The following CLCN1 variants were observed in gnomAD, a reference collection of about 807,000 sequenced individuals.
The protein encoded by CLCN1 is chloride channel protein 1.
Under a neutral mutation model 114.5 loss-of-function variants are expected in CLCN1, and 100 were observed. That is an observed-to-expected ratio of 0.87 (90% CI 0.74 to 1.03). The LOEUF is 1.03. CLCN1 is among the 50% of genes least tolerant of loss of function. The pLI, the probability that CLCN1 is intolerant of heterozygous loss-of-function variation, is 0.00. For missense variants in CLCN1, 1,188 were observed against 1,250.0 expected (o/e 0.95, Z 0.75); for synonymous variants, 485 against 487.1 (o/e 1.00, Z 0.06).
In CLCN1 at chr7:143,339,387, G is replaced by A. The variant is rs77814083; in HGVS notation, c.1471+65G>A. 6.8e-4 allele frequency: 954 copies of A among 1,412,974 alleles called. 7 individuals are homozygous for A. In the African/African-American group the frequency reaches 0.012, roughly 18 times the overall value. The allele number at this position is 1,412,974 out of a possible 1,614,324, so 87.5% of individuals were successfully genotyped here. A position where few individuals can be genotyped will look rare whatever the true frequency, so the allele number is the denominator to read the frequency against. ...GCAATCTAGGATACAGGAAACATAA[G>A]GAAAGGCCCGGGATGCTGGGAGTTT... is the stretch of plus-strand genomic sequence containing the variant. On this transcript the variant is annotated intron_variant, in intron 13 of 22. Transcript: ENST00000343257. The surrounding 1 kb of genome is among the most constrained non-coding windows in gnomAD (Gnocchi z 4.1).
intron 5 of CLCN1, among the ~76,000 whole-genome samples, chr7:143,322,273 G>T (rs79790719): frequency 0.045 from 6,823 of 152,246 alleles, 207 homozygotes; most frequent in Middle Eastern, 0.095. Context: ...CACTGTCTTA[G>T]AGATCATCCA....
chr7:143,323,153 C>A (rs1802485029), intron 5 of CLCN1, among the ~76,000 whole-genome samples, 156 bp from the exon 6 acceptor site: 1 of 152,160 alleles, frequency 6.6e-6, no homozygotes, highest in South Asian at 2.1e-4. Context: ...TTCTTCCTCT[C>A]TGGGATGAGG....
intron 16 of CLCN1, 150 bp downstream of exon 16, chr7:143,342,655 C>A: frequency 2.5e-6 from 2 of 787,406 alleles, no homozygotes; most frequent in Non-Finnish European, 4.3e-6. Flanking sequence ...ATAACACAAG[C>A]ACACAAAGAC....
Position 143,324,608 on chromosome 7 carries a change from T to C in CLCN1, c.853+116T>C. The C allele has an allele frequency of 1.3e-6, 1 of 795,348 alleles. No homozygotes were observed. Among genetic ancestry groups the C allele is most frequent in the Non-Finnish European group, 2.2e-6 (1 of 451,488 alleles). The allele number at this position is 795,348 out of a possible 1,614,324, so 49.3% of individuals were successfully genotyped here. ...CAGGTTACTTACGAGAATAGCTGAC[T>C]TTTAGTAAGCCTTTGCTATGTGCCA... is the stretch of plus-strand genomic sequence containing the variant. On this transcript the variant is annotated intron_variant, in intron 7 of 22. Coordinates refer to ENST00000343257, the MANE Select transcript of CLCN1 (RefSeq NM_000083.3). This position sits in a 1 kb window ranked among gnomAD's most constrained non-coding sequence, Gnocchi z 4.6.
intron 14 of CLCN1, among the ~76,000 whole-genome samples, chr7:143,340,795 A>C (rs2116369327): frequency 6.6e-6 from 1 of 152,268 alleles, no homozygotes; most frequent in Non-Finnish European, 1.5e-5. Flanking sequence ...GGCCTCCCAG[A>C]GTGCTAGGAT....
intron 10 of CLCN1, 67 bp downstream of exon 10, chr7:143,331,719 T>C (rs1272431624): frequency 1.2e-5 from 14 of 1,164,226 alleles, no homozygotes; most frequent in Middle Eastern, 1.9e-4. Context: ...TCCTCCCTTT[T>C]TGTCTTTGGG....
chr7:143,325,767 G>A (rs1802557393), intron 7 of CLCN1, among the ~76,000 whole-genome samples: 1 of 152,160 alleles, frequency 6.6e-6, no homozygotes. Context: ...GAATTTCTGA[G>A]AAGAATCAGA....
intron 2 of CLCN1, 146 bp downstream of exon 2, chr7:143,320,021 CT>C: frequency 1.2e-6 from 1 of 843,888 alleles, no homozygotes; most frequent in Non-Finnish European, 1.9e-6. Context: ...CAGGGTCTCA[CT>C]CTGTCATTCA....
In CLCN1 at chr7:143,351,972, C is replaced by G. The variant is rs1348862181; in HGVS notation, c.*7C>G. ...GGATGAACTGATCCTTTGACCCCCT[C>G]CCACGACCTCCTCATAAAGACCGTG... On this transcript the variant is annotated 3_prime_UTR_variant, in exon 23 of 23. Transcript: ENST00000343257. 1 of 1,612,372 alleles carries G rather than the reference C, an allele frequency of 6.2e-7. No homozygotes were observed. Among genetic ancestry groups the G allele is most frequent in the East Asian group, 2.2e-5 (1 of 44,886 alleles).
Position 143,351,615 on chromosome 7 carries a change from C to T in CLCN1, c.2617C>T (p.His873Tyr), listed in dbSNP as rs2116401119. Reference sequence around the variant, plus strand: ...TCAGCTACAGAAGGCCATTGAGGGGCACACCAAGTCTGGGGTGCAGCTCCG... The same window carrying T: ...TCAGCTACAGAAGGCCATTGAGGGGTACACCAAGTCTGGGGTGCAGCTCCG... Reference protein sequence around the residue: ...LEELQKAIEGHTKSGVQLRPP... With the variant: ...LEELQKAIEGYTKSGVQLRPP... Residue 873 changes from histidine (H) to tyrosine (Y), a missense_variant, in exon 23 of 23, where the codon CAC becomes TAC. Physicochemically the swap from His to Tyr is moderately conservative, Grantham distance 83. Coordinates refer to ENST00000343257, the MANE Select transcript of CLCN1 (RefSeq NM_000083.3). 1 of 1,614,148 alleles carries T rather than the reference C, an allele frequency of 6.2e-7. No individual in the cohort carries two copies. The highest frequency in any genetic ancestry group is 8.5e-7 in the Non-Finnish European group (1 of 1,180,036).
chr7:143,316,353 G>A lies in CLCN1; in HGVS notation c.141G>A (p.Arg47=). The change falls in exon 1 of 23, where the codon CGG becomes CGA. Residue 47 remains arginine (R), a synonymous_variant. Transcript: ENST00000343257. ...ATGGGGGCCTCCAGCACAGGCTCCG[G>A]AAGGATGCAGGCCCCCGCCACAACG... ...SENGGLQHRL[R]KDAGPRHNVH... 6.2e-7 allele frequency: 1 copy of A among 1,610,326 alleles called. No homozygotes were observed. The highest frequency in any genetic ancestry group is 1.1e-5 in the South Asian group (1 of 90,930).
intron 16 of CLCN1, among the ~76,000 whole-genome samples, chr7:143,343,588 A>G (rs1170269163): frequency 6.6e-6 from 1 of 152,254 alleles, no homozygotes; most frequent in Non-Finnish European, 1.5e-5. Context: ...ATGAATAATG[A>G]CAATTAATGT....
Position 143,321,836 on chromosome 7 carries a change from C to G in CLCN1, c.684C>G (p.Pro228=), listed in dbSNP as rs774268769. 7.4e-6 allele frequency: 12 copies of G among 1,614,146 alleles called. No homozygotes were observed. The highest frequency in any genetic ancestry group is 1.0e-5 in the Non-Finnish European group (12 of 1,179,996). Residue 228 remains proline, a synonymous_variant, in exon 5 of 23, where the codon CCC becomes CCG. Transcript: ENST00000343257. The surrounding 1 kb of genome is among the most constrained non-coding windows in gnomAD (Gnocchi z 4.2). The part of the protein sequence containing the change: ...ALTAGLGSGI[P]VGKEGPFVHI... ...CTGCGGGCCTGGGCAGTGGCATCCC[C>G]GTGGGGAAAGAGGTAGGCCTGGCAT...
intron 14 of CLCN1, among the ~76,000 whole-genome samples, chr7:143,341,001 A>T (rs1803061255): frequency 6.6e-6 from 1 of 152,100 alleles, no homozygotes; most frequent in African/African-American, 2.4e-5. Context: ...GAGCTTATAG[A>T]ATTATAAAGT....
Position 143,324,491 on chromosome 7 carries a change from A to C in CLCN1, c.852A>C (p.Gly284=), listed in dbSNP as rs1417532624. 6.2e-7 allele frequency: 1 copy of C among 1,611,784 alleles called. No individual in the cohort carries two copies. Among genetic ancestry groups the C allele is most frequent in the Non-Finnish European group, 8.5e-7 (1 of 1,178,188 alleles). Residue 284 remains glycine (G), a splice_region_variant and synonymous_variant, in exon 7 of 23, where the codon GGA becomes GGC. Transcript: ENST00000343257. The surrounding 1 kb of genome is among the most constrained non-coding windows in gnomAD (Gnocchi z 4.6). ...GVGCCFGTPL[G]GVLFSIEVTS... ...GCTGTTGTTTTGGGACACCACTTGG[A>C]GGCAAGTGATTGACCCCCTCCCCCA... is the stretch of plus-strand genomic sequence containing the variant.
intron 12 of CLCN1, among the ~76,000 whole-genome samples, chr7:143,335,390 C>T (rs1397715930): frequency 6.6e-6 from 1 of 152,142 alleles, no homozygotes; most frequent in African/African-American, 2.4e-5. Context: ...TGCAGCAGGC[C>T]TATAATATCC....
rs771002652 is a variant in CLCN1 at position 143,342,506 on chromosome 7, G to A, written c.1930+1G>A. 1.1e-5 allele frequency: 17 copies of A among 1,614,024 alleles called. No individual in the cohort carries two copies. Among genetic ancestry groups the A allele is most frequent in the Non-Finnish European group, 1.3e-5 (15 of 1,180,034 alleles). Reference sequence around the variant, plus strand: ...ACTTTACCACTGGTTGACTCAAAAGGTCAGTGGGGAGGAAGAAGTCGACTC... The same window carrying A: ...ACTTTACCACTGGTTGACTCAAAAGATCAGTGGGGAGGAAGAAGTCGACTC... On this transcript the variant is annotated splice_donor_variant, in intron 16 of 22. Transcript: ENST00000343257. LOFTEE classifies it high-confidence loss of function.
At chr7:143,326,857 C>T (rs986070636) in intron 7 of CLCN1, among the ~76,000 whole-genome samples, 1 of 152,070 alleles carries the variant, frequency 6.6e-6, no homozygotes, top group Admixed American at 6.5e-5. Context: ...AGGATTTGCA[C>T]GAATGTGTTT....
chr7:143,350,236 T>C lies in CLCN1; in HGVS notation c.2404-136T>C. On this transcript the variant is annotated intron_variant, in intron 20 of 22. Transcript: ENST00000343257. The surrounding 1 kb of genome is among the most constrained non-coding windows in gnomAD (Gnocchi z 5.1). ...GGAAGAAGGAGGAGGTCCTCTGATC[T>C]GGGGGATCTATGATCAGTTCTTGCA... 6 of 728,162 alleles carry C rather than the reference T, an allele frequency of 8.2e-6. No homozygotes were observed. The highest frequency in any genetic ancestry group is 8.0e-5 in the Admixed American group (4 of 49,710). The allele number at this position is 728,162 out of a possible 1,614,324, so 45.1% of individuals were successfully genotyped here. A position where few individuals can be genotyped will look rare whatever the true frequency, so the allele number is the denominator to read the frequency against.
Sources: gnomAD v4.1 joint callset for allele counts (sites outside exome capture counted in the v4.1 genomes callset) on GRCh38, gnomAD v4.1.1 for gene constraint, Gnocchi (gnomAD v3.1) non-coding constraint, MANE v1.5 for transcripts, NCBI Gene and HGNC (gene_info 2026-07-23, HGNC 2026-07-21) for gene names.